Variants in PLPP3 observed in about 807,000 individuals in gnomAD.
PLPP3 encodes the protein phospholipid phosphatase 3, also known as PAP2 beta.
PLPP3 carries 6 observed loss-of-function variants against 29.6 expected under a neutral mutation model. The ratio of observed to expected loss-of-function variants is 0.20; its 90% CI spans 0.11 to 0.40. The LOEUF is 0.40. Ranked by LOEUF, PLPP3 falls within the 10% of genes least tolerant of loss-of-function variation. The pLI, the probability that PLPP3 is intolerant of heterozygous loss-of-function variation, is 1.00. For missense variants in PLPP3, 308 were observed against 407.7 expected (o/e 0.76, Z 2.11); for synonymous variants, 152 against 159.7 (o/e 0.95, Z 0.36).
intron 1 of PLPP3, among the ~76,000 whole-genome samples, chr1:56,561,865 C>T (rs761905325): frequency 1.3e-5 from 2 of 151,146 alleles, no homozygotes; most frequent in African/African-American, 2.4e-5. Context: ...TGAAACCCTG[C>T]CCTTACTAAA....
chr1:56,561,256 T>A (rs180699167), intron 1 of PLPP3, among the ~76,000 whole-genome samples: 1 of 151,966 alleles, frequency 6.6e-6, no homozygotes, highest in African/African-American at 2.4e-5. Flanking sequence ...GAAGCTATCA[T>A]GGTTAGCACA....
intron 2 of PLPP3, among the ~76,000 whole-genome samples, chr1:56,534,295 T>A (rs917133917): frequency 1.3e-5 from 2 of 152,190 alleles, no homozygotes; most frequent in African/African-American, 4.8e-5. Flanking sequence ...GAGATACATC[T>A]GAAAAAGAGG....
At chr1:56,520,885 T>TGTGCAACA in intron 4 of PLPP3, among the ~76,000 whole-genome samples, 1 of 125,652 alleles carries the variant, frequency 8.0e-6, no homozygotes, top group Non-Finnish European at 1.6e-5. Context: ...CACTCCAGCC[T>TGTGCAACA]GTGCAACAGA....
At chr1:56,573,496 C>T (rs1646214664) in intron 1 of PLPP3, among the ~76,000 whole-genome samples, 1 of 152,046 alleles carries the variant, frequency 6.6e-6, no homozygotes, top group South Asian at 2.1e-4. Flanking sequence ...AAGATATCAG[C>T]TGTTAAACAA....
In PLPP3 at chr1:56,496,662, A is replaced by T. The variant is rs200711664; in HGVS notation, c.825T>A (p.Ser275=). ...GCGTCGTCTTAGTCTTGAAGAGGTC[A>T]GACACGAAGAAAACCTAGAAGCACA... ...LVACCIVFFV[S]DLFKTKTTLS... is the part of the protein sequence containing the mutation. The change falls in exon 6 of 6, where the codon TCT becomes TCA. Residue 275 remains serine, a synonymous_variant. Coordinates refer to ENST00000371250, the MANE Select transcript of PLPP3 (RefSeq NM_003713.5). 1 of 1,613,428 alleles carries T rather than the reference A, an allele frequency of 6.2e-7. No homozygotes were observed. The highest frequency in any genetic ancestry group is 2.2e-5 in the East Asian group (1 of 44,850).
intron 1 of PLPP3, among the ~76,000 whole-genome samples, chr1:56,547,831 C>T (rs746414368): frequency 6.6e-6 from 1 of 152,162 alleles, no homozygotes; most frequent in Non-Finnish European, 1.5e-5. Context: ...GCAACTCAGA[C>T]CTGGGTTTGA....
In PLPP3 at chr1:56,559,503, C is replaced by G. The variant is rs562774239; in HGVS notation, c.139+19375G>C. ...CTGAGCTCAAGTGATCCTCCCACCT[C>G]GGCCTCCCAAAATGCTGGGATTACA... On this transcript the variant is annotated intron_variant, in intron 1 of 5. Transcript: ENST00000371250. Among the ~76,000 whole-genome samples, 36 of 151,746 alleles carry G rather than the reference C, an allele frequency of 2.4e-4. No homozygotes were observed. The South Asian group carries it at 7.3e-3, about 31-fold the overall frequency.
intron 5 of PLPP3, among the ~76,000 whole-genome samples, chr1:56,502,301 T>A (rs763556597): frequency 6.6e-6 from 1 of 152,186 alleles, no homozygotes; most frequent in Non-Finnish European, 1.5e-5. Context: ...TGAGCTAAAA[T>A]GCTAGCAAAG....
chr1:56,579,008 G>C lies in PLPP3; in HGVS notation c.9C>G (p.Asn3Lys), dbSNP rs1646258332. ...GGACGATCGCTTTGTCGTACTTGTA[G>C]TTTTGCATGGCGCTGGCTGCGGCGC... MQ[N>K]YKYDKAIVPE... The change falls in exon 1 of 6, where the codon AAC becomes AAG. Residue 3 changes from asparagine to lysine, a missense_variant. Transcript: ENST00000371250. 1.3e-6 allele frequency: 2 copies of C among 1,597,612 alleles called. No homozygotes were observed. The highest frequency in any genetic ancestry group is 1.7e-6 in the Non-Finnish European group (2 of 1,173,712).
At chr1:56,578,532 G>A (rs112015220) in intron 1 of PLPP3, among the ~76,000 whole-genome samples, 1 of 152,334 alleles carries the variant, frequency 6.6e-6, no homozygotes, top group African/African-American at 2.4e-5. Context: ...GCTCTAGAGC[G>A]CGGCTCAACC....
At chr1:56,545,240 C>CT (rs1387841182) in intron 1 of PLPP3, among the ~76,000 whole-genome samples, 1 of 152,136 alleles carries the variant, frequency 6.6e-6, no homozygotes, top group Non-Finnish European at 1.5e-5. Context: ...GCTGTATGAC[C>CT]TTAACTCTCT....
chr1:56,543,901 C>T (rs903288260), intron 1 of PLPP3, among the ~76,000 whole-genome samples: 2 of 152,170 alleles, frequency 1.3e-5, no homozygotes, highest in African/African-American at 4.8e-5. Context: ...AGTGGCAGAT[C>T]TAGTCCTAGT....
intron 5 of PLPP3, among the ~76,000 whole-genome samples, chr1:56,499,140 T>C (rs1645649563): frequency 7.7e-6 from 1 of 130,548 alleles, no homozygotes; most frequent in Non-Finnish European, 1.6e-5. Context: ...CTGGCTTATC[T>C]CCCAACCTAA....
chr1:56,554,504 G>C (rs1021015520), intron 1 of PLPP3, among the ~76,000 whole-genome samples: 2 of 151,348 alleles, frequency 1.3e-5, no homozygotes, highest in Non-Finnish European at 2.9e-5. Context: ...CCCGGGAGGC[G>C]GAGCTTGCAG....
intron 1 of PLPP3, among the ~76,000 whole-genome samples, chr1:56,551,299 C>CTTTGGTTTGCTTTGGTTTGCTTT (rs1396422800): frequency 7.2e-6 from 1 of 138,706 alleles, no homozygotes; most frequent in African/African-American, 2.7e-5. Context: ...TGGTTCGGTT[C>CTTTGGTTTGCTTTGGTTTGCTTT]GGTTCGGTTC....
intron 1 of PLPP3, among the ~76,000 whole-genome samples, chr1:56,549,156 T>G (rs562583032): frequency 4.9e-4 from 75 of 152,350 alleles, no homozygotes; most frequent in Non-Finnish European, 8.5e-4. Context: ...AGGTTTCTAC[T>G]TTAGTCATCA....
chr1:56,524,522 G>A lies in PLPP3; in HGVS notation c.330C>T (p.Tyr110=), dbSNP rs752524983. The change falls in exon 3 of 6, where the codon TAC becomes TAT. Residue 110 remains tyrosine (Y), a synonymous_variant. Coordinates refer to ENST00000371250, the MANE Select transcript of PLPP3 (RefSeq NM_003713.5). The surrounding 1 kb of genome is among the most constrained non-coding windows in gnomAD (Gnocchi z 4.3). The stretch of plus-strand genomic sequence containing the variant: ...GAATCGTCGACCGCGACTTCTTCAG[G>A]TAATAGATCCGGTAGAATTCCCCCG... ...IITGEFYRIY[Y]LKKSRSTIQN... 2 of 1,612,022 alleles carry A rather than the reference G, an allele frequency of 1.2e-6. No homozygotes were observed. Among genetic ancestry groups the A allele is most frequent in the Non-Finnish European group, 1.7e-6 (2 of 1,178,186 alleles).
In PLPP3 at chr1:56,552,237, A is replaced by AG. The variant is rs1553138924; in HGVS notation, c.140-15126_140-15125insC. The stretch of plus-strand genomic sequence containing the variant: ...GAGGCACTTATAAAAAAAAAAAAAA[A>AG]AAAGAAAGAAGGAGAGATAGATAGA... On this transcript the variant is annotated intron_variant, in intron 1 of 5. Coordinates refer to ENST00000371250, the MANE Select transcript of PLPP3 (RefSeq NM_003713.5). Among the ~76,000 whole-genome samples the AG allele has an allele frequency of 3.1e-3, 476 of 151,882 alleles. 5 individuals carry two copies. The highest frequency in any genetic ancestry group is 0.011 in the African/African-American group (447 of 41,444).
At chr1:56,500,681 G>A (rs1461636829) in intron 5 of PLPP3, among the ~76,000 whole-genome samples, 1 of 152,112 alleles carries the variant, frequency 6.6e-6, no homozygotes, top group Non-Finnish European at 1.5e-5. Flanking sequence ...TGAAAGCAGG[G>A]AAGCAACATG....
Sources: gnomAD v4.1 joint callset for allele counts (sites outside exome capture counted in the v4.1 genomes callset) on GRCh38, gnomAD v4.1.1 for gene constraint, Gnocchi (gnomAD v3.1) non-coding constraint, MANE v1.5 for transcripts, NCBI Gene and HGNC (gene_info 2026-07-23, HGNC 2026-07-21) for gene names.